Variants in TTBK2 observed in about 807,000 individuals in gnomAD.
TTBK2 encodes the protein tau-tubulin kinase 2.
TTBK2 carries 28 observed loss-of-function variants against 110.8 expected under a neutral mutation model. The ratio of observed to expected loss-of-function variants is 0.25; its 90% CI spans 0.19 to 0.35. TTBK2 has a LOEUF of 0.35. Among genes scored for constraint, TTBK2 ranks in the 10% least tolerant of loss-of-function variants. The probability of loss-of-function intolerance (pLI) is 1.00; values close to 1 mark genes in which losing one functional copy is unlikely to be tolerated. For missense variants in TTBK2, 1,369 were observed against 1,500.3 expected (o/e 0.91, Z 1.45); for synonymous variants, 532 against 527.3 (o/e 1.01, Z -0.12).
chr15:42,775,289 C>A lies in TTBK2; in HGVS notation c.1844G>T (p.Gly615Val). Residue 615 changes from glycine to valine, a missense_variant, in exon 13 of 15, where the codon GGT (glycine) becomes GTT (valine). Physicochemically the swap from Gly to Val is moderately radical, Grantham distance 109. Transcript: ENST00000267890. ...CTCTGCAGAAAGTGCTAAGACCACACCTGAGGTTTCCTTCTTTAAATGATC... is the reference window on the plus strand; with the variant it reads ...CTCTGCAGAAAGTGCTAAGACCACAACTGAGGTTTCCTTCTTTAAATGATC... ...ENDHLKKETS[G>V]VVLALSAEGP... The A allele has an allele frequency of 6.2e-7, 1 of 1,614,190 alleles. No individual in the cohort carries two copies. Among genetic ancestry groups the A allele is most frequent in the East Asian group, 2.2e-5 (1 of 44,890 alleles).
intron 3 of TTBK2, among the ~76,000 whole-genome samples, chr15:42,845,785 C>G (rs548699762): frequency 6.6e-6 from 1 of 151,748 alleles, no homozygotes; most frequent in Non-Finnish European, 1.5e-5. Context: ...GTGCAAACAT[C>G]ATAGGGTGTG....
chr15:42,827,464 T>C (rs1452743800), intron 6 of TTBK2, among the ~76,000 whole-genome samples: 2 of 152,174 alleles, frequency 1.3e-5, no homozygotes, highest in African/African-American at 4.8e-5. Context: ...TGACCAGATA[T>C]TGGATTTAAC....
intron 6 of TTBK2, among the ~76,000 whole-genome samples, chr15:42,825,782 A>G (rs1892507667): frequency 6.6e-6 from 1 of 152,210 alleles, no homozygotes; most frequent in South Asian, 2.1e-4. Flanking sequence ...CAAGTGCTCT[A>G]TAGCCACATG....
intron 1 of TTBK2, among the ~76,000 whole-genome samples, chr15:42,878,999 C>T (rs1894932890): frequency 6.6e-6 from 1 of 152,150 alleles, no homozygotes; most frequent in Non-Finnish European, 1.5e-5. Context: ...AGACAACTAT[C>T]CTGAGAACAA....
chr15:42,872,811 T>C, intron 2 of TTBK2, 53 bp from the exon 3 acceptor site: 1 of 1,597,362 alleles, frequency 6.3e-7, no homozygotes, highest in Admixed American at 1.7e-5. Context: ...GATTCTAACT[T>C]GAAAGCAATT....
intron 6 of TTBK2, among the ~76,000 whole-genome samples, chr15:42,825,781 T>C (rs1892507486): frequency 6.6e-6 from 1 of 152,184 alleles, no homozygotes; most frequent in African/African-American, 2.4e-5. Flanking sequence ...CCAAGTGCTC[T>C]ATAGCCACAT....
intron 1 of TTBK2, among the ~76,000 whole-genome samples, chr15:42,881,208 G>A (rs982822400): frequency 1.3e-5 from 2 of 149,498 alleles, no homozygotes; most frequent in African/African-American, 2.5e-5. Flanking sequence ...GCGTGAACCC[G>A]GGAGGCGGAG....
intron 1 of TTBK2, among the ~76,000 whole-genome samples, chr15:42,886,361 T>C (rs573868410): frequency 5.3e-5 from 8 of 152,288 alleles, no homozygotes; most frequent in African/African-American, 1.9e-4. Flanking sequence ...AAGAGGTGGC[T>C]GGAGCTAAAG....
intron 3 of TTBK2, among the ~76,000 whole-genome samples, chr15:42,847,268 T>G (rs1893507009): frequency 6.6e-6 from 1 of 152,212 alleles, no homozygotes; most frequent in African/African-American, 2.4e-5. Context: ...TATTAAATAT[T>G]TTTAATTGTT....
intron 1 of TTBK2, among the ~76,000 whole-genome samples, chr15:42,895,696 C>T (rs1895641059): frequency 6.6e-6 from 1 of 151,926 alleles, no homozygotes; most frequent in African/African-American, 2.4e-5. Flanking sequence ...TGCCACCACG[C>T]CCAGCTAATT....
intron 1 of TTBK2, among the ~76,000 whole-genome samples, chr15:42,883,418 T>C (rs1895125055): frequency 1.3e-5 from 2 of 150,162 alleles, no homozygotes; most frequent in South Asian, 4.2e-4. Context: ...AAGGGACTCA[T>C]GTAAAGGGAC....
In TTBK2 at chr15:42,817,042, T is replaced by C. The variant is rs1196327071; in HGVS notation, c.593A>G (p.His198Arg). 1.2e-6 allele frequency: 2 copies of C among 1,604,818 alleles called. No individual in the cohort carries two copies. The highest frequency in any genetic ancestry group is 1.7e-6 in the Non-Finnish European group (2 of 1,174,440). ...AGTTCAGATACCTACCCTGTTCCGA[T>C]GTGCGTTGATTGATGCATAACGAAC... ...GTVRYASINA[H>R]RNREMGRHDD... Residue 198 changes from histidine to arginine, a missense_variant, in exon 7 of 15, where the codon CAT becomes CGT. His to Arg is a conservative substitution (Grantham distance 29). Around this residue, in one of 4 missense-constraint regions of TTBK2, gnomAD observed 138 missense variants for 179.0 expected, o/e 0.77. Coordinates refer to ENST00000267890, the MANE Select transcript of TTBK2 (RefSeq NM_173500.4).
At chr15:42,788,159 CAT>C (rs1890490987) in intron 10 of TTBK2, among the ~76,000 whole-genome samples, 1 of 152,144 alleles carries the variant, frequency 6.6e-6, no homozygotes, top group Non-Finnish European at 1.5e-5. Flanking sequence ...TTACACGGCA[CAT>C]GACTGTAGTT....
intron 8 of TTBK2, among the ~76,000 whole-genome samples, chr15:42,811,166 A>C (rs1479424944): frequency 6.6e-6 from 1 of 151,882 alleles, no homozygotes; most frequent in African/African-American, 2.4e-5. Flanking sequence ...AATTTTTAAA[A>C]AATTTTTGTA....
chr15:42,796,977 T>G (rs1890972327), intron 9 of TTBK2, among the ~76,000 whole-genome samples: 1 of 152,260 alleles, frequency 6.6e-6, no homozygotes, highest in African/African-American at 2.4e-5. Flanking sequence ...TTTGTTCATG[T>G]AAGTCACCTA....
chr15:42,816,090 ATATATAT>A (rs1892006772), intron 7 of TTBK2, among the ~76,000 whole-genome samples: 3 of 96,858 alleles, frequency 3.1e-5, no homozygotes, highest in African/African-American at 1.6e-4. Flanking sequence ...AAATAAATAT[ATATATAT>A]ATATATATAT....
chr15:42,804,008 CAA>C (rs781131720), intron 9 of TTBK2, among the ~76,000 whole-genome samples: 2,454 of 50,502 alleles, frequency 0.049, 27 homozygotes, highest in African/African-American at 0.12. Flanking sequence ...GCGAGGAGTG[CAA>C]AAAAAAAAAA....
At chr15:42,839,252 T>A (rs916764667) in intron 4 of TTBK2, among the ~76,000 whole-genome samples, 1 of 152,198 alleles carries the variant, frequency 6.6e-6, no homozygotes, top group Non-Finnish European at 1.5e-5. Flanking sequence ...TCCAGCTGCA[T>A]CCATGTTGCT....
intron 13 of TTBK2, among the ~76,000 whole-genome samples, chr15:42,768,143 C>G (rs961738622): frequency 6.6e-6 from 1 of 152,112 alleles, no homozygotes; most frequent in Non-Finnish European, 1.5e-5. Context: ...ATGACAAAAC[C>G]ACAGCCAATA....
Sources: gnomAD v4.1 joint callset for allele counts (sites outside exome capture counted in the v4.1 genomes callset) on GRCh38, gnomAD v4.1.1 for gene constraint, gnomAD v4.1.1 regional missense constraint, MANE v1.5 for transcripts, NCBI Gene and HGNC (gene_info 2026-07-23, HGNC 2026-07-21) for gene names.